SGCZ: variants seen among roughly 807,000 people sequenced by gnomAD.
The protein encoded by SGCZ is zeta-sarcoglycan.
In SGCZ, 40 loss-of-function variants were observed where a neutral mutation model predicts 41.3. The ratio of observed to expected loss-of-function variants is 0.97; its 90% CI spans 0.75 to 1.26. The LOEUF (loss-of-function observed/expected upper bound fraction) is 1.26. SGCZ is among the 50% of genes most tolerant of loss of function. SGCZ has a pLI of 0.00. For missense variants in SGCZ, 552 were observed against 369.8 expected (o/e 1.49, Z -4.04); for synonymous variants, 206 against 137.5 (o/e 1.50, Z -3.49).
chr8:14,213,750 A>T (rs66864079), intron 4 of SGCZ, among the ~76,000 whole-genome samples: 28,115 of 152,102 alleles, frequency 0.18, 3,486 homozygotes, highest in Non-Finnish European at 0.27. Flanking sequence ...AATACTTAAG[A>T]CTTAAATATT....
chr8:14,917,103 G>A (rs1317284843), intron 1 of SGCZ, among the ~76,000 whole-genome samples: 1 of 151,994 alleles, frequency 6.6e-6, no homozygotes, highest in Non-Finnish European at 1.5e-5. Context: ...ATACTCTGCA[G>A]GTACAGCTAT....
chr8:15,136,386 C>A (rs570682297), intron 1 of SGCZ, among the ~76,000 whole-genome samples: 29 of 152,004 alleles, frequency 1.9e-4, no homozygotes, highest in African/African-American at 6.8e-4. Flanking sequence ...GTCACTCCAG[C>A]ATACTTGATA....
rs114510179 is a variant in SGCZ at position 15,196,541 on chromosome 8, G to C, written c.39+41044C>G. Among the ~76,000 whole-genome samples, 965 of 146,376 alleles carry C rather than the reference G, an allele frequency of 6.6e-3. 13 individuals carry two copies. The highest frequency in any genetic ancestry group is 0.022 in the African/African-American group (903 of 40,922). ...AAACTAAGATTGTATTATATTGTGG[G>C]TGTTAAGACTTGCCAAAGTTTTCAT... On this transcript the variant is annotated intron_variant, in intron 1 of 7. Coordinates refer to ENST00000382080, the MANE Select transcript of SGCZ (RefSeq NM_139167.4).
intron 4 of SGCZ, among the ~76,000 whole-genome samples, chr8:14,209,100 A>G (rs1213982090): frequency 6.6e-6 from 1 of 152,212 alleles, no homozygotes; most frequent in East Asian, 1.9e-4. Context: ...TGTATATAGT[A>G]AGAAGCAGAA....
intron 1 of SGCZ, among the ~76,000 whole-genome samples, chr8:15,154,263 C>T (rs1445708633): frequency 1.3e-5 from 2 of 152,186 alleles, no homozygotes; most frequent in Admixed American, 6.5e-5. Context: ...CTTAAAACAA[C>T]AAGGATATAT....
intron 1 of SGCZ, among the ~76,000 whole-genome samples, chr8:14,682,178 G>C (rs558180093): frequency 6.6e-6 from 1 of 152,058 alleles, no homozygotes; most frequent in African/African-American, 2.4e-5. Flanking sequence ...CAATTTGTTC[G>C]ACTAAAGAAA....
intron 6 of SGCZ, among the ~76,000 whole-genome samples, chr8:14,104,204 ATTATAATTGTATTCATTT>A (rs1376864803): frequency 1.8e-4 from 27 of 152,204 alleles, no homozygotes; most frequent in African/African-American, 5.8e-4. Flanking sequence ...AAATTAGTGA[ATTATAATTGTATTCATTT>A]TTATAATTGT....
intron 1 of SGCZ, among the ~76,000 whole-genome samples, chr8:14,976,735 C>A (rs1008475768): frequency 6.6e-6 from 1 of 152,122 alleles, no homozygotes; most frequent in South Asian, 2.1e-4. Context: ...TACACCATCC[C>A]ACACCGGTGT....
chr8:14,827,424 A>G (rs959228100), intron 1 of SGCZ, among the ~76,000 whole-genome samples: 6 of 151,866 alleles, frequency 4.0e-5, no homozygotes, highest in African/African-American at 1.2e-4. Flanking sequence ...TTTAGTAGAG[A>G]CAGGGTTTCT....
intron 1 of SGCZ, among the ~76,000 whole-genome samples, chr8:15,010,258 A>T (rs912115757): frequency 5.9e-5 from 9 of 152,240 alleles, no homozygotes; most frequent in African/African-American, 2.2e-4. Context: ...AATAATTCTT[A>T]ATTTATGACT....
intron 2 of SGCZ, among the ~76,000 whole-genome samples, chr8:14,490,793 G>C (rs1371581227): frequency 7.0e-6 from 1 of 143,440 alleles, no homozygotes; most frequent in African/African-American, 2.6e-5. Flanking sequence ...GCTCTATTAA[G>C]CTCTTTCAAG....
At chr8:14,945,735 C>G (rs1282899137) in intron 1 of SGCZ, among the ~76,000 whole-genome samples, 1 of 151,538 alleles carries the variant, frequency 6.6e-6, no homozygotes, top group Non-Finnish European at 1.5e-5. Flanking sequence ...CTCTTTCTCC[C>G]TCTCCTGAAG....
chr8:15,095,159 C>T (rs989141814), intron 1 of SGCZ, among the ~76,000 whole-genome samples: 11 of 152,108 alleles, frequency 7.2e-5, no homozygotes, highest in Non-Finnish European at 1.2e-4. Context: ...AGTGCAATGG[C>T]GTGATCTCAA....
At chr8:14,618,640 G>A (rs1228133746) in intron 1 of SGCZ, among the ~76,000 whole-genome samples, 1 of 152,174 alleles carries the variant, frequency 6.6e-6, no homozygotes, top group African/African-American at 2.4e-5. Context: ...GTCAATGAAG[G>A]ATTTTAAAGA....
At chr8:14,212,846 A>G (rs1449275657) in intron 4 of SGCZ, among the ~76,000 whole-genome samples, 1 of 152,150 alleles carries the variant, frequency 6.6e-6, no homozygotes, top group African/African-American at 2.4e-5. Context: ...AAAATAGAAA[A>G]TCTAGGCAAA....
At chr8:14,565,601 A>C (rs1199131466) in intron 1 of SGCZ, among the ~76,000 whole-genome samples, 2 of 152,234 alleles carry the variant, frequency 1.3e-5, no homozygotes, top group African/African-American at 2.4e-5. Flanking sequence ...AAAAATCTTT[A>C]AGGAAAAACA....
intron 2 of SGCZ, among the ~76,000 whole-genome samples, chr8:14,460,496 T>C (rs1298372767): frequency 6.6e-6 from 1 of 152,110 alleles, no homozygotes; most frequent in Admixed American, 6.6e-5. Context: ...GTGGGACGAT[T>C]TGTGGTGCCC....
At chr8:14,344,913 T>C (rs1417423290) in intron 2 of SGCZ, among the ~76,000 whole-genome samples, 2 of 152,066 alleles carry the variant, frequency 1.3e-5, no homozygotes, top group Non-Finnish European at 2.9e-5. Flanking sequence ...GGGTTTCTAA[T>C]GATAGTGGAT....
chr8:14,589,370 T>G (rs1243898451), intron 1 of SGCZ, among the ~76,000 whole-genome samples: 2 of 151,690 alleles, frequency 1.3e-5, no homozygotes, highest in Non-Finnish European at 2.9e-5. Flanking sequence ...AAATAGAAAT[T>G]TTAATATATA....
Sources: gnomAD v4.1 joint callset for allele counts (sites outside exome capture counted in the v4.1 genomes callset) on GRCh38, gnomAD v4.1.1 for gene constraint, MANE v1.5 for transcripts, NCBI Gene and HGNC (gene_info 2026-07-23, HGNC 2026-07-21) for gene names.